Variants in CYRIB observed in about 807,000 individuals in gnomAD.
CYRIB encodes the protein CYFIP-related Rac1 interactor B.
CYRIB carries 8 observed loss-of-function variants against 44.2 expected under a neutral mutation model. The observed-to-expected ratio is 0.18, with a 90% CI of 0.11 to 0.33. CYRIB has a LOEUF of 0.33. Ranked by LOEUF, CYRIB falls within the 10% of genes least tolerant of loss-of-function variation. The pLI, the probability that CYRIB is intolerant of heterozygous loss-of-function variation, is 1.00. For synonymous variants in CYRIB, 131 were observed against 127.2 expected, an observed-to-expected ratio of 1.03 and a Z score of -0.20; for missense variants, 185 against 382.8, an observed-to-expected ratio of 0.48 and a Z score of 4.31.
intron 1 of CYRIB, among the ~76,000 whole-genome samples, chr8:129,906,806 A>G (rs2075643569): frequency 6.6e-6 from 1 of 152,256 alleles, no homozygotes; most frequent in Non-Finnish European, 1.5e-5. Context: ...ACGAACAGAC[A>G]CTTTCAAAAG....
At chr8:129,861,867 G>T (rs2049875730) in intron 5 of CYRIB, among the ~76,000 whole-genome samples, 1 of 152,170 alleles carries the variant, frequency 6.6e-6, no homozygotes, top group African/African-American at 2.4e-5. Context: ...AAATCACTTG[G>T]TAGAATCTCT....
chr8:129,904,479 T>C lies in CYRIB; in HGVS notation c.-49-1129A>G, dbSNP rs1336746877. On this transcript the variant is annotated intron_variant, in intron 1 of 11. Transcript: ENST00000519824. Reference sequence around the variant, plus strand: ...ATCAAGCCCCAGTTGCTCACAGAAGTGAGCAGCTCAATAACGCACCCTTGG... The same window carrying C: ...ATCAAGCCCCAGTTGCTCACAGAAGCGAGCAGCTCAATAACGCACCCTTGG... 1 of 152,156 alleles carries C rather than the reference T, an allele frequency of 6.6e-6. No individual in the cohort carries two copies. The highest frequency in any genetic ancestry group is 1.5e-5 in the Non-Finnish European group (1 of 68,042). 9.4% of individuals were successfully genotyped at this position (152,156 alleles called of 1,614,324 possible).
In CYRIB at chr8:129,972,921, C is replaced by T. The variant is rs186501794; in HGVS notation, c.-295-1926G>A. ...CTACAGCTCTAGAAACCAGATCTCG[C>T]CTCCTCTTCAGCCTCATAGCATGTG... On this transcript the variant is annotated intron_variant, in intron 1 of 14. Transcript: ENST00000401979. Among the ~76,000 whole-genome samples the T allele has an allele frequency of 3.5e-4, 54 of 152,336 alleles. No individual in the cohort carries two copies. The East Asian group carries it at 0.01, about 28-fold the overall frequency.
intron 2 of CYRIB, among the ~76,000 whole-genome samples, chr8:129,964,298 A>C (rs1423619546): frequency 6.6e-6 from 1 of 152,230 alleles, no homozygotes. Flanking sequence ...GTTTCTAAAC[A>C]CATCAGCAAT....
Position 129,892,963 on chromosome 8 carries a change from G to A in CYRIB, c.-11+10349C>T, listed in dbSNP as rs574807597. 9.2e-5 allele frequency among the ~76,000 whole-genome samples: 14 copies of A among 152,266 alleles called. No individual in the cohort carries two copies. The South Asian group carries it at 2.5e-3, about 27-fold the overall frequency. On this transcript the variant is annotated intron_variant, in intron 2 of 11. Coordinates refer to ENST00000519824, the Ensembl canonical transcript of CYRIB. ...TTATTCTAGTTCCTCAATTAGCGGC[G>A]GATTTGTGGGAGTTTTATTTTTAGG...
chr8:129,926,959 T>A (rs1590040216), intron 1 of CYRIB, among the ~76,000 whole-genome samples: 1 of 152,220 alleles, frequency 6.6e-6, no homozygotes, highest in South Asian at 2.1e-4. Context: ...CTACACATAA[T>A]GTGCTGCATT....
intron 2 of CYRIB, among the ~76,000 whole-genome samples, chr8:129,970,266 T>C (rs1243975126): frequency 6.6e-6 from 1 of 152,030 alleles, no homozygotes; most frequent in Admixed American, 6.6e-5. Context: ...CCAGTGAGGA[T>C]AGTTGGGAGT....
At chr8:129,866,420 G>C (rs2053607285) in intron 4 of CYRIB, among the ~76,000 whole-genome samples, 1 of 152,094 alleles carries the variant, frequency 6.6e-6, no homozygotes, top group African/African-American at 2.4e-5. Context: ...GATTCAAAAG[G>C]CTTGGTTAAC....
In CYRIB at chr8:129,847,659, G is replaced by A. The variant is rs144244740; in HGVS notation, c.841-785C>T. On this transcript the variant is annotated intron_variant, in intron 10 of 11. Transcript: ENST00000519824. ...ACGAAGTGTTATGCCTGGCAGCAGG[G>A]GACTCACAGGTTATTTTAAAAGGTA... 4.5e-4 allele frequency among the ~76,000 whole-genome samples: 69 copies of A among 152,166 alleles called. No individual in the cohort carries two copies. The South Asian group carries it at 1.0e-2, about 22-fold the overall frequency.
intron 5 of CYRIB, among the ~76,000 whole-genome samples, chr8:129,856,724 T>C (rs2046390330): frequency 1.3e-5 from 2 of 152,242 alleles, no homozygotes; most frequent in Admixed American, 6.5e-5. Flanking sequence ...ACACTGAATA[T>C]AGTCTCCCAT....
intron 2 of CYRIB, among the ~76,000 whole-genome samples, chr8:129,882,020 T>C (rs146271573): frequency 1.1e-4 from 17 of 152,334 alleles, no homozygotes; most frequent in African/African-American, 4.1e-4. Context: ...TTTTAAAAGC[T>C]TTCCAACATA....
chr8:129,952,215 T>C (rs1368430050), intron 2 of CYRIB, among the ~76,000 whole-genome samples: 1 of 152,140 alleles, frequency 6.6e-6, no homozygotes, highest in Non-Finnish European at 1.5e-5. Flanking sequence ...CCAGCTAATT[T>C]TGTATTTTTA....
intron 1 of CYRIB, among the ~76,000 whole-genome samples, chr8:129,925,473 G>A (rs1053556113): frequency 6.6e-6 from 1 of 152,106 alleles, no homozygotes; most frequent in Non-Finnish European, 1.5e-5. Context: ...CTTGAAAGTT[G>A]GGAGCTCTCA....
chr8:129,907,336 C>G (rs1480427235), intron 1 of CYRIB, among the ~76,000 whole-genome samples: 1 of 150,076 alleles, frequency 6.7e-6, no homozygotes, highest in Non-Finnish European at 1.5e-5. Flanking sequence ...TCTCAGCAAC[C>G]TATCGCAGAA....
At chr8:129,852,171 A>G (rs1348114281) in exon 8 of CYRIB, 1 of 1,547,590 alleles carries the variant, frequency 6.5e-7, no homozygotes, top group East Asian at 2.4e-5. Context: ...CCTCTGATAC[A>G]AATTTTGTTG....
intron 1 of CYRIB, among the ~76,000 whole-genome samples, chr8:129,989,352 G>A (rs1456111511): frequency 2.0e-5 from 3 of 152,120 alleles, no homozygotes; most frequent in South Asian, 2.1e-4. Flanking sequence ...AATGAAAGGC[G>A]GTCTCTACTT....
intron 1 of CYRIB, among the ~76,000 whole-genome samples, chr8:129,991,958 A>AAG (rs2096644811): frequency 6.8e-6 from 1 of 146,934 alleles, no homozygotes; most frequent in African/African-American, 2.5e-5. Flanking sequence ...AAAAAAAAAA[A>AAG]AAAAAAAAAA....
At chr8:129,997,675 G>C (rs964081756) in intron 1 of CYRIB, among the ~76,000 whole-genome samples, 2 of 152,196 alleles carry the variant, frequency 1.3e-5, no homozygotes, top group Non-Finnish European at 2.9e-5. Flanking sequence ...AGAGAATCAC[G>C]ATGCAGCTAA....
At chr8:129,943,800 C>T (rs76215390), upstream of CYRIB, among the ~76,000 whole-genome samples, 10,312 of 149,554 alleles carry the variant, frequency 0.069, 501 homozygotes, top group East Asian at 0.25. Context: ...GGGGTTTCAC[C>T]GTGTTAGCCA....
Sources: gnomAD v4.1 joint callset for allele counts (sites outside exome capture counted in the v4.1 genomes callset) on GRCh38, gnomAD v4.1.1 for gene constraint, MANE v1.5 for transcripts, NCBI Gene and HGNC (gene_info 2026-07-23, HGNC 2026-07-21) for gene names.